PLEKHG5: variants seen among roughly 807,000 people sequenced by gnomAD.
The protein encoded by PLEKHG5 is pleckstrin homology and RhoGEF domain containing G5.
In PLEKHG5, 52 loss-of-function variants were observed where a neutral mutation model predicts 103.8. The ratio of observed to expected loss-of-function variants is 0.50; its 90% CI spans 0.40 to 0.63. PLEKHG5 has a LOEUF of 0.63. PLEKHG5 is among the 30% of genes least tolerant of loss of function. PLEKHG5 has a pLI of 0.00. For synonymous variants in PLEKHG5, 592 were observed against 575.5 expected, an observed-to-expected ratio of 1.03 and a Z score of -0.41; for missense variants, 1,205 against 1,347.6, an observed-to-expected ratio of 0.89 and a Z score of 1.66.
upstream of PLEKHG5, among the ~76,000 whole-genome samples, chr1:6,501,070 A>G (rs992971760): frequency 3.3e-5 from 5 of 152,208 alleles, no homozygotes; most frequent in African/African-American, 1.2e-4. This position sits in a 1 kb window ranked among gnomAD's most constrained non-coding sequence, Gnocchi z 4.3. Flanking sequence ...GATTTCACAT[A>G]AAAGTCCATA....
chr1:6,479,355 C>T (rs1213112419), intron 1 of PLEKHG5, among the ~76,000 whole-genome samples: 2 of 144,208 alleles, frequency 1.4e-5, no homozygotes, highest in African/African-American at 2.6e-5. Context: ...GGCGCGATCT[C>T]GACTCACTGC....
chr1:6,489,797 G>C (rs1295782079), intron 1 of PLEKHG5, among the ~76,000 whole-genome samples: 2 of 152,194 alleles, frequency 1.3e-5, no homozygotes, highest in Non-Finnish European at 2.9e-5. Context: ...TCAGTATCTG[G>C]GGATGGCTGC....
At chr1:6,480,970 T>G (rs1281820069) in intron 1 of PLEKHG5, among the ~76,000 whole-genome samples, 1 of 152,052 alleles carries the variant, frequency 6.6e-6, no homozygotes, top group Non-Finnish European at 1.5e-5. Flanking sequence ...CTCTTGACAT[T>G]CTCTGTTATG....
upstream of PLEKHG5, among the ~76,000 whole-genome samples, chr1:6,501,434 T>C (rs1645295759): frequency 6.6e-6 from 1 of 152,190 alleles, no homozygotes; most frequent in Non-Finnish European, 1.5e-5. This position sits in a 1 kb window ranked among gnomAD's most constrained non-coding sequence, Gnocchi z 4.3. Context: ...AACGTGTCCT[T>C]GCTGGACTCC....
At chr1:6,477,718 G>A (rs566126683) in intron 1 of PLEKHG5, 60 bp from the exon 2 acceptor site, 33 of 1,559,320 alleles carry the variant, frequency 2.1e-5, no homozygotes, top group African/African-American at 1.3e-4. Context: ...CCTCGACCCC[G>A]GCCCAGCGCT....
At position 6,490,390 on chromosome 1, in the gene PLEKHG5, G is replaced by A; in HGVS notation, c.-88+1247C>T. On this transcript the variant is annotated intron_variant, in intron 1 of 20. Coordinates refer to ENST00000377728, the MANE Select transcript of PLEKHG5 (RefSeq NM_020631.6). This position sits in a 1 kb window ranked among gnomAD's most constrained non-coding sequence, Gnocchi z 8.0. ...CTGTCCATCGGTTTAGGGGGGTCCT[G>A]GCGCCTAGTCCCACCCCCCGTCCGG... The A allele has an allele frequency of 1.1e-6, 1 of 945,118 alleles. No homozygotes were observed. The allele number at this position is 945,118 out of a possible 1,614,324, so 58.5% of individuals were successfully genotyped here. A position where few individuals can be genotyped will look rare whatever the true frequency, so the allele number is the denominator to read the frequency against.
chr1:6,494,356 C>G (rs1569971528), upstream of PLEKHG5, among the ~76,000 whole-genome samples: 1 of 151,840 alleles, frequency 6.6e-6, no homozygotes, highest in African/African-American at 2.4e-5. Context: ...GTCTCGAACT[C>G]CTGAGCTCAG....
intron 19 of PLEKHG5, 110 bp downstream of exon 19, chr1:6,468,932 T>C (rs768352159): frequency 7.4e-6 from 7 of 944,656 alleles, no homozygotes; most frequent in African/African-American, 3.2e-5. Flanking sequence ...TCCCACAGTG[T>C]TCATGACAAG....
intron 4 of PLEKHG5, 65 bp downstream of exon 4, chr1:6,475,397 C>G: frequency 7.0e-7 from 1 of 1,427,024 alleles, no homozygotes; most frequent in Non-Finnish European, 9.9e-7. Context: ...GGAGGAAGGC[C>G]CAGGCTCGGG....
At chr1:6,514,482 G>A (rs1223089111) in intron 1 of PLEKHG5, among the ~76,000 whole-genome samples, 1 of 151,236 alleles carries the variant, frequency 6.6e-6, no homozygotes, top group Non-Finnish European at 1.5e-5. Flanking sequence ...AAAGAAAATG[G>A]CCGGGTGTGG....
intron 1 of PLEKHG5, among the ~76,000 whole-genome samples, chr1:6,513,926 G>C (rs1288548436): frequency 2.6e-5 from 4 of 152,218 alleles, no homozygotes; most frequent in African/African-American, 9.6e-5. Context: ...GCAGCTATGG[G>C]GTCTCAACCC....
chr1:6,493,451 G>A (rs1049404521), upstream of PLEKHG5, among the ~76,000 whole-genome samples: 6 of 152,158 alleles, frequency 3.9e-5, no homozygotes, highest in Admixed American at 2.6e-4. Flanking sequence ...CAAGCCTCAC[G>A]CAGGCCAGGC....
chr1:6,496,992 C>T (rs1645235655), upstream of PLEKHG5: 3 of 1,528,046 alleles, frequency 2.0e-6, no homozygotes, highest in Admixed American at 4.0e-5. Context: ...ACAGAGGAGC[C>T]CCCGAAGGTC....
chr1:6,518,585 A>C (rs2148641959), intron 1 of PLEKHG5, among the ~76,000 whole-genome samples: 1 of 152,064 alleles, frequency 6.6e-6, no homozygotes, highest in African/African-American at 2.4e-5. Context: ...AGAAAAAGAA[A>C]AAAGAAAAGA....
chr1:6,482,371 G>A (rs1236884544), intron 1 of PLEKHG5, among the ~76,000 whole-genome samples: 2 of 152,222 alleles, frequency 1.3e-5, no homozygotes, highest in East Asian at 3.8e-4. Context: ...GCAGGAGAGA[G>A]GCGCTGAAGA....
At chr1:6,480,887 C>G (rs937293844) in intron 1 of PLEKHG5, among the ~76,000 whole-genome samples, 1 of 152,038 alleles carries the variant, frequency 6.6e-6, no homozygotes, top group Admixed American at 6.6e-5. Flanking sequence ...CTGATCCGCC[C>G]GCCTCAGCCT....
Position 6,490,574 on chromosome 1 carries a change from G to A in PLEKHG5, c.-88+1063C>T, listed in dbSNP as rs1237003145. On this transcript the variant is annotated intron_variant, in intron 1 of 20. Transcript: ENST00000377728. This position sits in a 1 kb window ranked among gnomAD's most constrained non-coding sequence, Gnocchi z 8.0. The stretch of plus-strand genomic sequence containing the variant: ...GCGGGACGGGCTCAGTCGACTCAGC[G>A]CAAACTGGGGCGCGGGACGTAGGGG... 20 of 985,296 alleles carry A rather than the reference G, an allele frequency of 2.0e-5. No individual in the cohort carries two copies. Among genetic ancestry groups the A allele is most frequent in the Non-Finnish European group, 2.4e-5 (20 of 829,934 alleles). The allele number at this position is 985,296 out of a possible 1,614,324, so 61.0% of individuals were successfully genotyped here.
chr1:6,515,251 G>T (rs1638582143), intron 1 of PLEKHG5, among the ~76,000 whole-genome samples: 1 of 152,220 alleles, frequency 6.6e-6, no homozygotes, highest in South Asian at 2.1e-4. Flanking sequence ...GATGAGGCCG[G>T]GTGTGGTGGC....
At chr1:6,474,302 C>G (rs896362429) in intron 6 of PLEKHG5, 138 bp from the exon 7 acceptor site, 14 of 1,332,024 alleles carry the variant, frequency 1.1e-5, no homozygotes, top group East Asian at 2.5e-5. Context: ...GCACCCTCCC[C>G]TCCCCCAGCA....
Sources: allele counts gnomAD v4.1 joint callset (sites outside exome capture counted in the v4.1 genomes callset), GRCh38; gene constraint gnomAD v4.1.1; non-coding constraint Gnocchi (gnomAD v3.1); transcripts MANE v1.5; gene names NCBI Gene and HGNC (gene_info 2026-07-23, HGNC 2026-07-21).